Variants in ZNF439 observed in about 807,000 individuals in gnomAD.
ZNF439 encodes zinc finger protein 439.
ZNF439 carries 40 observed loss-of-function variants against 47.3 expected under a neutral mutation model. That is an observed-to-expected ratio of 0.85 (90% CI 0.66 to 1.10). The LOEUF is 1.10. Ranked by LOEUF, ZNF439 falls within the 50% of genes least tolerant of loss-of-function variation. The pLI is 0.00. For synonymous variants in ZNF439, 171 were observed against 198.8 expected (o/e 0.86, Z 1.18); for missense variants, 556 against 601.1 (o/e 0.93, Z 0.78).
In ZNF439 at chr19:11,867,368, C is replaced by A. The variant is rs753824750; in HGVS notation, c.314C>A (p.Thr105Asn). Residue 105 changes from threonine (T) to asparagine (N), a missense_variant, in exon 4 of 4, where the codon ACC becomes AAC. Physicochemically the swap from Thr to Asn is moderately conservative, Grantham distance 65. Coordinates refer to ENST00000682736, the MANE Select transcript of ZNF439 (RefSeq NM_001348719.2). ...KEDSHCGETF[T>N]PVPDDRLNFQ... Reference sequence around the variant, plus strand: ...GACAGTCATTGTGGAGAAACTTTTACCCCAGTTCCAGATGACAGGCTGAAC... The same window carrying A: ...GACAGTCATTGTGGAGAAACTTTTAACCCAGTTCCAGATGACAGGCTGAAC... 1.1e-5 allele frequency: 17 copies of A among 1,613,814 alleles called. No individual in the cohort carries two copies. In the South Asian group the frequency reaches 1.5e-4, roughly 15 times the overall value.
Position 11,868,764 on chromosome 19 carries a change from T to A in ZNF439, c.*195T>A. 1 of 683,146 alleles carries A rather than the reference T, an allele frequency of 1.5e-6. No homozygotes were observed. The highest frequency in any genetic ancestry group is 2.6e-6 in the Non-Finnish European group (1 of 383,982). The allele number at this position is 683,146 out of a possible 1,614,324, so 42.3% of individuals were successfully genotyped here. ...TAAGCAATGTGGGAAAGTCTTCAGA[T>A]CTGTCAAGAACCTTTCAATTTATGA... On this transcript the variant is annotated 3_prime_UTR_variant, in exon 4 of 4. Coordinates refer to ENST00000682736, the MANE Select transcript of ZNF439 (RefSeq NM_001348719.2).
chr19:11,868,808 GA>G lies in ZNF439; in HGVS notation c.*242del, dbSNP rs1421929117. The stretch of plus-strand genomic sequence containing the variant: ...TTTATGAAAGGACACACACTGGAGA[GA>G]AACCCTATGAATGTAAGAAATGTGG... On this transcript the variant is annotated 3_prime_UTR_variant, in exon 4 of 4. Coordinates refer to ENST00000682736, the MANE Select transcript of ZNF439 (RefSeq NM_001348719.2). 2 of 594,048 alleles carry G rather than the reference GA, an allele frequency of 3.4e-6. No individual in the cohort carries two copies. Among genetic ancestry groups the G allele is most frequent in the Non-Finnish European group, 6.2e-6 (2 of 325,052 alleles). The allele number at this position is 594,048 out of a possible 1,614,324, so 36.8% of individuals were successfully genotyped here. A position where few individuals can be genotyped will look rare whatever the true frequency, so the allele number is the denominator to read the frequency against.
intron 1 of ZNF439, among the ~76,000 whole-genome samples, chr19:11,864,456 C>T (rs1198655769): frequency 1.3e-5 from 2 of 152,010 alleles, no homozygotes; most frequent in Non-Finnish European, 2.9e-5. Context: ...CGCTGCACGC[C>T]TGGCTAATTT....
At chr19:11,865,962 C>A in intron 1 of ZNF439, 2 of 1,234,216 alleles carry the variant, frequency 1.6e-6, no homozygotes, top group African/African-American at 1.6e-5. Flanking sequence ...CGGCAGTGAG[C>A]CGAGATTGCA....
rs192008548 is a variant in ZNF439, at chr19:11,857,336, C to T, written c.63+8406C>T. Reference sequence around the variant, plus strand: ...GCCTGTTGTTGGGAATCCAAGGAAACAATAATTGCGTCTGGATCATACCCC... The same window carrying T: ...GCCTGTTGTTGGGAATCCAAGGAAATAATAATTGCGTCTGGATCATACCCC... On this transcript the variant is annotated intron_variant, in intron 1 of 3. Transcript: ENST00000682736. The T allele has an allele frequency of 1.8e-4, 27 of 152,282 alleles. No individual in the cohort carries two copies. In the East Asian group the frequency reaches 4.0e-3, roughly 23 times the overall value. 9.4% of individuals were successfully genotyped at this position (152,282 alleles called of 1,614,324 possible). A position where few individuals can be genotyped will look rare whatever the true frequency, so the allele number is the denominator to read the frequency against.
chr19:11,849,214 A>G, intron 1 of ZNF439: 2 of 1,050,956 alleles, frequency 1.9e-6, no homozygotes, highest in Non-Finnish European at 1.1e-6. Flanking sequence ...CGGGAGGGTC[A>G]TGCGCGGATT....
chr19:11,861,240 C>T (rs1159644858), intron 1 of ZNF439, among the ~76,000 whole-genome samples: 1 of 152,210 alleles, frequency 6.6e-6, no homozygotes, highest in Non-Finnish European at 1.5e-5. Flanking sequence ...CTTTCTGCCT[C>T]TCCTCCTCTT....
At chr19:11,849,461 G>T (rs1056108860) in intron 1 of ZNF439, 6 of 285,060 alleles carry the variant, frequency 2.1e-5, no homozygotes, top group African/African-American at 1.1e-4. Flanking sequence ...CCTTGGCCGA[G>T]GGAAACACAA....
chr19:11,849,245 G>C, intron 1 of ZNF439: 16 of 1,030,342 alleles, frequency 1.6e-5, no homozygotes, highest in Non-Finnish European at 1.9e-5. Flanking sequence ...TGTGGATTTC[G>C]TCCGTAGGAG....
chr19:11,863,785 AT>A (rs1471224893), intron 1 of ZNF439, among the ~76,000 whole-genome samples: 1 of 152,174 alleles, frequency 6.6e-6, no homozygotes, highest in Non-Finnish European at 1.5e-5. Context: ...TAAATGATTC[AT>A]CAGGAGGTAG....
chr19:11,853,556 A>G (rs1485937197), intron 1 of ZNF439, among the ~76,000 whole-genome samples: 2 of 152,172 alleles, frequency 1.3e-5, no homozygotes, highest in Non-Finnish European at 2.9e-5. Context: ...GCAGCACAGC[A>G]CCAGGGAGTG....
At chr19:11,851,690 T>A (rs1976246330) in intron 1 of ZNF439, among the ~76,000 whole-genome samples, 1 of 152,020 alleles carries the variant, frequency 6.6e-6, no homozygotes, top group Non-Finnish European at 1.5e-5. Context: ...GGCAATGTCT[T>A]GCTCTGTGGC....
At chr19:11,851,199 T>A (rs908141876) in intron 1 of ZNF439, 2 of 152,252 alleles carry the variant, frequency 1.3e-5, no homozygotes, top group African/African-American at 4.8e-5. Flanking sequence ...GAATGTACTG[T>A]CTTAAGTTTT....
chr19:11,866,996 C>T (rs279214), intron 3 of ZNF439, among the ~76,000 whole-genome samples: 56,243 of 151,998 alleles, frequency 0.37, 11,141 homozygotes, highest in African/African-American at 0.52. Flanking sequence ...TATGATGATA[C>T]CACTGCACTC....
rs1410842211 is a variant in ZNF439, at chr19:11,848,872, C to T, written c.5C>T (p.Pro2Leu). 3 of 1,567,914 alleles carry T rather than the reference C, an allele frequency of 1.9e-6. No homozygotes were observed. Among genetic ancestry groups the T allele is most frequent in the Non-Finnish European group, 2.6e-6 (3 of 1,151,398 alleles). ...TGTCGCTCTGTCACCTGCGCTATGC[C>T]CTGCTTTACTCACAGGAGCTGTAGA... M[P>L]CFTHRSCRED... Residue 2 changes from proline (P) to leucine (L), a missense_variant, in exon 1 of 4, where the codon CCC (proline) becomes CTC (leucine). Pro to Leu is a moderately conservative substitution (Grantham distance 98). Transcript: ENST00000682736.
At chr19:11,865,706 C>G (rs566689623) in intron 1 of ZNF439, among the ~76,000 whole-genome samples, 9 of 89,982 alleles carry the variant, frequency 1.0e-4, no homozygotes, top group African/African-American at 1.5e-4. Flanking sequence ...GAGCGATACA[C>G]TATCACAAAA....
intron 1 of ZNF439, chr19:11,865,955 C>T (rs965413211): frequency 9.4e-6 from 11 of 1,169,560 alleles, no homozygotes; most frequent in South Asian, 4.4e-5. Context: ...TGAACCCCGG[C>T]AGTGAGCCGA....
chr19:11,857,544 C>G (rs977792472), intron 1 of ZNF439: 2 of 152,176 alleles, frequency 1.3e-5, no homozygotes, highest in African/African-American at 4.8e-5. Flanking sequence ...TAAGCAAAGG[C>G]TTTTGCGGCT....
intron 1 of ZNF439, among the ~76,000 whole-genome samples, chr19:11,852,354 A>G (rs1976270900): frequency 6.6e-6 from 1 of 152,214 alleles, no homozygotes; most frequent in Admixed American, 6.5e-5. Flanking sequence ...ATAAAACAGT[A>G]TAGGTAAGAA....
Sources: allele counts gnomAD v4.1 joint callset (sites outside exome capture counted in the v4.1 genomes callset), GRCh38; gene constraint gnomAD v4.1.1; transcripts MANE v1.5; gene names NCBI Gene and HGNC (gene_info 2026-07-23, HGNC 2026-07-21).